ASB3: variants seen among roughly 807,000 people sequenced by gnomAD.
ASB3 encodes ankyrin repeat and SOCS box containing 3.
In ASB3, 41 loss-of-function variants were observed where a neutral mutation model predicts 54.5. The observed-to-expected ratio is 0.75, with a 90% CI of 0.59 to 0.98. The LOEUF is 0.98. Among genes scored for constraint, ASB3 ranks in the 50% least tolerant of loss-of-function variants. ASB3 has a pLI of 0.00. For missense variants in ASB3, 733 were observed against 620.0 expected, an observed-to-expected ratio of 1.18 and a Z score of -1.94; for synonymous variants, 266 against 221.2, an observed-to-expected ratio of 1.20 and a Z score of -1.80.
At chr2:53,733,763 AT>A in intron 3 of ASB3, among the ~76,000 whole-genome samples, 1 of 152,320 alleles carries the variant, frequency 6.6e-6, no homozygotes, top group Middle Eastern at 3.4e-3. Flanking sequence ...TGCTAGAGGA[AT>A]TAAAGACACA....
At chr2:53,714,117 G>A (rs370101658) in intron 7 of ASB3, among the ~76,000 whole-genome samples, 7 of 152,060 alleles carry the variant, frequency 4.6e-5, no homozygotes, top group East Asian at 3.9e-4. Flanking sequence ...AAATTTCTGC[G>A]TCTACTTAAA....
At chr2:53,761,475 C>T (rs1439777206) in intron 2 of ASB3, among the ~76,000 whole-genome samples, 1 of 152,098 alleles carries the variant, frequency 6.6e-6, no homozygotes, top group African/African-American at 2.4e-5. Context: ...CTAGGACATG[C>T]ATCTTCTCCT....
chr2:53,783,648 T>C (rs184232858), intron 1 of ASB3, among the ~76,000 whole-genome samples: 7 of 152,256 alleles, frequency 4.6e-5, no homozygotes, highest in Non-Finnish European at 1.0e-4. Flanking sequence ...AGACTGGCAT[T>C]AGACTTGTCA....
In ASB3 at chr2:53,734,216, G is replaced by T. The variant is rs552237879; in HGVS notation, c.356-4646C>A. Reference sequence around the variant, plus strand: ...TTTATGGCCACATTTTGGGGGGCCTGTTCCCAACACTCCACTTCGCAGTTT... The same window carrying T: ...TTTATGGCCACATTTTGGGGGGCCTTTTCCCAACACTCCACTTCGCAGTTT... On this transcript the variant is annotated intron_variant, in intron 3 of 9. Transcript: ENST00000263634. Among the ~76,000 whole-genome samples the T allele has an allele frequency of 9.2e-5, 14 of 152,290 alleles. No homozygotes were observed. The South Asian group carries it at 2.9e-3, about 32-fold the overall frequency.
At chr2:53,744,042 C>CAA (rs754362156) in intron 3 of ASB3, among the ~76,000 whole-genome samples, 37 of 86,020 alleles carry the variant, frequency 4.3e-4, no homozygotes, top group South Asian at 2.0e-3. Context: ...GACTCTGTCT[C>CAA]AAAAAAAAAA....
At chr2:53,755,545 T>C (rs1672765502) in intron 2 of ASB3, among the ~76,000 whole-genome samples, 1 of 152,342 alleles carries the variant, frequency 6.6e-6, no homozygotes, top group Middle Eastern at 3.4e-3. Flanking sequence ...GTGTAATAAA[T>C]GTCAAGATTA....
chr2:53,704,654 T>C (rs1054236522), intron 7 of ASB3, among the ~76,000 whole-genome samples: 2 of 152,158 alleles, frequency 1.3e-5, no homozygotes, highest in Admixed American at 6.5e-5. Context: ...AAAAGCTTCA[T>C]ACAGAAACTC....
chr2:53,729,627 G>A (rs1463174164), intron 3 of ASB3, 57 bp from the exon 4 acceptor site: 4 of 1,468,096 alleles, frequency 2.7e-6, no homozygotes, highest in Non-Finnish European at 3.8e-6. Flanking sequence ...TTGTAGGACT[G>A]GACACTTTGG....
At chr2:53,718,581 A>T (rs1193466906) in intron 5 of ASB3, among the ~76,000 whole-genome samples, 1 of 152,212 alleles carries the variant, frequency 6.6e-6, no homozygotes, top group Non-Finnish European at 1.5e-5. Context: ...TACATAGCCC[A>T]AAGACCCCAT....
intron 5 of ASB3, 127 bp from the exon 6 acceptor site, chr2:53,716,870 G>A: frequency 1.9e-6 from 2 of 1,058,278 alleles, no homozygotes; most frequent in Non-Finnish European, 2.6e-6. Flanking sequence ...ACTGAATGTT[G>A]GATGTTGTTA....
At chr2:53,701,643 A>G (rs1669501008) in intron 7 of ASB3, among the ~76,000 whole-genome samples, 2 of 152,240 alleles carry the variant, frequency 1.3e-5, no homozygotes, top group African/African-American at 4.8e-5. Context: ...AAACCTCCTT[A>G]TACAGTATAC....
At chr2:53,679,721 CTT>C (rs1359824308) in intron 9 of ASB3, among the ~76,000 whole-genome samples, 1 of 152,110 alleles carries the variant, frequency 6.6e-6, no homozygotes, top group Non-Finnish European at 1.5e-5. Context: ...ACTATGTTCA[CTT>C]TATTTTTTCA....
Position 53,731,919 on chromosome 2 carries a change from C to T in ASB3, c.356-2349G>A, listed in dbSNP as rs200899207. ...CCACCAGCCTCGGCCTCCCAAAGTG[C>T]TGGGATTACAGGCGTGAGCCATCAC... On this transcript the variant is annotated intron_variant, in intron 3 of 9. Coordinates refer to ENST00000263634, the MANE Select transcript of ASB3 (RefSeq NM_016115.5). 7.9e-5 allele frequency among the ~76,000 whole-genome samples: 12 copies of T among 152,162 alleles called. No individual in the cohort carries two copies. In the East Asian group the frequency reaches 2.3e-3, roughly 30 times the overall value.
intron 1 of ASB3, chr2:53,774,309 T>G (rs1674173950): frequency 5.6e-6 from 9 of 1,613,736 alleles, no homozygotes; most frequent in Non-Finnish European, 6.8e-6. Context: ...TTGGAACATG[T>G]GATAATCCTG....
In ASB3 at chr2:53,765,674, T is replaced by TTA. The variant is rs1420005018; in HGVS notation, c.-13-90_-13-89insTA. On this transcript the variant is annotated intron_variant, in intron 1 of 9. Coordinates refer to ENST00000263634, the MANE Select transcript of ASB3 (RefSeq NM_016115.5). ...AGCAAATCACGGTGGGCCTGTCTAG[T>TTA]ATCTCTCACATGACTGACGAAGAAG... 31 of 1,475,528 alleles carry TTA rather than the reference T, an allele frequency of 2.1e-5. No homozygotes were observed. The East Asian group carries it at 7.2e-4, about 34-fold the overall frequency. 91.4% of individuals were successfully genotyped at this position (1,475,528 alleles called of 1,614,324 possible).
chr2:53,786,690 G>A (rs1675033913), intron 1 of ASB3, 131 bp downstream of exon 1: 1 of 154,008 alleles, frequency 6.5e-6, no homozygotes, highest in African/African-American at 2.4e-5. Flanking sequence ...TCTCATCTAA[G>A]GACCCGCACC....
At chr2:53,726,616 A>G (rs1383862413) in intron 5 of ASB3, among the ~76,000 whole-genome samples, 1 of 151,408 alleles carries the variant, frequency 6.6e-6, no homozygotes, top group Non-Finnish European at 1.5e-5. Flanking sequence ...ACATATATAT[A>G]CACACATATA....
chr2:53,699,042 T>C (rs1360258016), intron 8 of ASB3, among the ~76,000 whole-genome samples: 1 of 152,196 alleles, frequency 6.6e-6, no homozygotes, highest in Non-Finnish European at 1.5e-5. Flanking sequence ...ATAAAGAAAG[T>C]ACATTTATTT....
At chr2:53,682,938 T>G (rs1558514011) in intron 9 of ASB3, among the ~76,000 whole-genome samples, 1 of 152,236 alleles carries the variant, frequency 6.6e-6, no homozygotes, top group Non-Finnish European at 1.5e-5. Context: ...CATTTTGACT[T>G]CTTCCATTCC....
Sources: allele counts gnomAD v4.1 joint callset (sites outside exome capture counted in the v4.1 genomes callset), GRCh38; gene constraint gnomAD v4.1.1; transcripts MANE v1.5; gene names NCBI Gene and HGNC (gene_info 2026-07-23, HGNC 2026-07-21).